ACOT11: variants seen among roughly 807,000 people sequenced by gnomAD.
The protein encoded by ACOT11 is acyl-coenzyme A thioesterase 11.
Under a neutral mutation model 77.5 loss-of-function variants are expected in ACOT11, and 69 were observed. That is an observed-to-expected ratio of 0.89 (90% CI 0.73 to 1.09). ACOT11 has a LOEUF of 1.09. Ranked by LOEUF, ACOT11 falls within the 50% of genes least tolerant of loss-of-function variation. The pLI, the probability that ACOT11 is intolerant of heterozygous loss-of-function variation, is 0.00. For missense variants in ACOT11, 766 were observed against 813.7 expected, an observed-to-expected ratio of 0.94 and a Z score of 0.71; for synonymous variants, 279 against 313.0, an observed-to-expected ratio of 0.89 and a Z score of 1.15.
At chr1:54,608,188 C>T in intron 15 of ACOT11, 120 bp downstream of exon 15, 1 of 946,806 alleles carries the variant, frequency 1.1e-6, no homozygotes, top group South Asian at 1.8e-5. Flanking sequence ...CAGGCTCCCC[C>T]TTCCAGCCTG....
chr1:54,614,824 C>A (rs898856439), downstream of ACOT11: 2 of 1,613,984 alleles, frequency 1.2e-6, no homozygotes, highest in Non-Finnish European at 1.7e-6. Context: ...AGGGAGGGGC[C>A]CACTGCCTTG....
At chr1:54,612,756 C>A (rs1241997674), downstream of ACOT11, 5 of 1,440,830 alleles carry the variant, frequency 3.5e-6, no homozygotes, top group East Asian at 1.1e-4. Flanking sequence ...TGCAGCGGCC[C>A]CTTCCTCTCC....
rs868390916 is a variant in ACOT11, at chr1:54,605,172, G to A, written c.1333G>A (p.Asp445Asn). ...AGCCCAGGCCTTCCTGCTGCTCTCG[G>A]ACCTGCGTCAGAGGCCAGAGTGGGA... is the stretch of plus-strand genomic sequence containing the variant. Reference protein sequence around the residue: ...DAAQAFLLLSDLRQRPEWDKH... With the variant: ...DAAQAFLLLSNLRQRPEWDKH... The change falls in exon 13 of 16, where the codon GAC (aspartate) becomes AAC (asparagine). Residue 445 changes from aspartate to asparagine, a missense_variant. Transcript: ENST00000343744. 1 of 1,613,788 alleles carries A rather than the reference G, an allele frequency of 6.2e-7. No homozygotes were observed. The highest frequency in any genetic ancestry group is 2.2e-5 in the East Asian group (1 of 44,894).
chr1:54,565,546 G>C (rs74838138), intron 1 of ACOT11, among the ~76,000 whole-genome samples: 2,620 of 152,224 alleles, frequency 0.017, 81 homozygotes, highest in African/African-American at 0.06. Flanking sequence ...CCCTTTCCTT[G>C]TTCCCTGTCC....
In ACOT11 at chr1:54,607,015, G is replaced by A. The variant is rs1644033826; in HGVS notation, c.1371-119G>A. ...CTGGCCCTTGCTGAGCAGTACAGGG[G>A]GTGACATCCCATCACAGAAGCTGCT... On this transcript the variant is annotated intron_variant, in intron 13 of 15. Transcript: ENST00000343744. The surrounding 1 kb of genome is among the most constrained non-coding windows in gnomAD (Gnocchi z 4.5). 7.1e-7 allele frequency: 1 copy of A among 1,416,472 alleles called. No homozygotes were observed. Among genetic ancestry groups the A allele is most frequent in the South Asian group, 1.3e-5 (1 of 74,828 alleles). The allele number at this position is 1,416,472 out of a possible 1,614,324, so 87.7% of individuals were successfully genotyped here. A position where few individuals can be genotyped will look rare whatever the true frequency, so the allele number is the denominator to read the frequency against.
At chr1:54,586,029 G>C in intron 3 of ACOT11, 125 bp downstream of exon 3, 4 of 1,001,396 alleles carry the variant, frequency 4.0e-6, no homozygotes, top group Non-Finnish European at 5.9e-6. Context: ...GACTGAAAAT[G>C]AGGTGGGGGC....
At chr1:54,593,358 C>T (rs969477161) in intron 4 of ACOT11, among the ~76,000 whole-genome samples, 5 of 135,960 alleles carry the variant, frequency 3.7e-5, no homozygotes, top group African/African-American at 1.1e-4. Context: ...CTCACTGTAA[C>T]CTCAAACTCC....
chr1:54,550,293 G>A (rs299869), intron 1 of ACOT11, among the ~76,000 whole-genome samples: 8,864 of 152,226 alleles, frequency 0.058, 829 homozygotes, highest in African/African-American at 0.2. Flanking sequence ...TCTGGGGGTG[G>A]AGGTGGGTAT....
intron 1 of ACOT11, among the ~76,000 whole-genome samples, chr1:54,579,117 A>G (rs1654212503): frequency 6.6e-6 from 1 of 152,236 alleles, no homozygotes; most frequent in South Asian, 2.1e-4. Flanking sequence ...ATATTGTATG[A>G]CAATCAGAAG....
At chr1:54,562,250 G>T (rs769598955) in intron 1 of ACOT11, among the ~76,000 whole-genome samples, 7 of 114,618 alleles carry the variant, frequency 6.1e-5, no homozygotes, top group East Asian at 2.8e-4. Context: ...CGGACGGGGC[G>T]GCTGGCCAGG....
Position 54,608,087 on chromosome 1 carries a change from A to G in ACOT11, c.1629+19A>G, listed in dbSNP as rs1328566081. 1 of 1,601,832 alleles carries G rather than the reference A, an allele frequency of 6.2e-7. No individual in the cohort carries two copies. Among genetic ancestry groups the G allele is most frequent in the South Asian group, 1.1e-5 (1 of 90,528 alleles). ...GACCAAGGTGAGGCCGGTCCCCCCA[A>G]CCACGCCCCCAGCCTGGCTCCACCC... is the stretch of plus-strand genomic sequence containing the variant. On this transcript the variant is annotated intron_variant, in intron 15 of 15. Coordinates refer to ENST00000343744, the MANE Select transcript of ACOT11 (RefSeq NM_147161.4).
chr1:54,581,859 C>G (rs988145144), intron 1 of ACOT11, among the ~76,000 whole-genome samples: 1 of 152,220 alleles, frequency 6.6e-6, no homozygotes, highest in African/African-American at 2.4e-5. Flanking sequence ...CCCCTGCCTC[C>G]CAGACTGGCT....
intron 3 of ACOT11, among the ~76,000 whole-genome samples, chr1:54,590,267 T>C (rs560278382): frequency 6.6e-6 from 1 of 152,230 alleles, no homozygotes; most frequent in Admixed American, 6.5e-5. Context: ...ATTAACATGT[T>C]CCTCTGTCTC....
At chr1:54,564,448 C>CTCTAGAATAGGCTGTGA (rs1653665486) in intron 1 of ACOT11, among the ~76,000 whole-genome samples, 1 of 152,104 alleles carries the variant, frequency 6.6e-6, no homozygotes, top group South Asian at 2.1e-4. Flanking sequence ...TATTTACGAC[C>CTCTAGAATAGGCTGTGA]TCTAGAATAG....
At chr1:54,548,367 G>A (rs746266611) in intron 1 of ACOT11, 25 bp downstream of exon 1, 7 of 1,596,926 alleles carry the variant, frequency 4.4e-6, no homozygotes, top group South Asian at 2.3e-5. Flanking sequence ...CTGGGGCAGC[G>A]GGAGGGCTCT....
rs1654437875 is a variant in ACOT11 at position 54,584,764 on chromosome 1, A to G, written c.143A>G (p.Gln48Arg). The G allele has an allele frequency of 6.2e-7, 1 of 1,613,986 alleles. No individual in the cohort carries two copies. The highest frequency in any genetic ancestry group is 1.7e-5 in the Admixed American group (1 of 60,008). The change falls in exon 2 of 16, where the codon CAG becomes CGG. Residue 48 changes from glutamine to arginine, a missense_variant. Gln to Arg is a conservative substitution (Grantham distance 43). Coordinates refer to ENST00000343744, the MANE Select transcript of ACOT11 (RefSeq NM_147161.4). The surrounding 1 kb of genome is among the most constrained non-coding windows in gnomAD (Gnocchi z 6.3). ...GGATACCGGAACCCCACGGAGGTGC[A>G]GATGAGCCAGCTGGTGCTGCCCTGC... ...GEGYRNPTEV[Q>R]MSQLVLPCHT... is the part of the protein sequence containing the mutation.
intron 1 of ACOT11, among the ~76,000 whole-genome samples, chr1:54,555,428 A>AT (rs932161242): frequency 1.9e-4 from 28 of 150,416 alleles, no homozygotes; most frequent in Admixed American, 1.6e-3. Context: ...GCCCATTTTA[A>AT]TTTTTTTTTC....
At chr1:54,573,136 C>T (rs1653981940) in intron 1 of ACOT11, 1 of 985,322 alleles carries the variant, frequency 1.0e-6, no homozygotes. Flanking sequence ...TGGGTCCTGG[C>T]CTAGCATGTC....
chr1:54,616,176 T>C, intron 15 of ACOT11: 1 of 1,611,906 alleles, frequency 6.2e-7, no homozygotes, highest in East Asian at 2.2e-5. Context: ...ATGTTGCCTG[T>C]GGAAGGGGCA....
Sources: gnomAD v4.1 joint callset for allele counts (sites outside exome capture counted in the v4.1 genomes callset) on GRCh38, gnomAD v4.1.1 for gene constraint, Gnocchi (gnomAD v3.1) non-coding constraint, MANE v1.5 for transcripts, NCBI Gene and HGNC (gene_info 2026-07-23, HGNC 2026-07-21) for gene names.